Variants in TBL1XR1 observed in about 807,000 individuals in gnomAD.
TBL1XR1 encodes the protein TBL1X/Y related 1.
In TBL1XR1, 5 loss-of-function variants were observed where a neutral mutation model predicts 66.9. The observed-to-expected ratio is 0.07, with a 90% confidence interval of 0.04 to 0.16. TBL1XR1 has a LOEUF of 0.16. Ranked by LOEUF, TBL1XR1 falls within the 10% of genes least tolerant of loss-of-function variation. The pLI is 1.00. For synonymous variants in TBL1XR1, 210 were observed against 206.0 expected (o/e 1.02, Z -0.17); for missense variants, 238 against 623.2 (o/e 0.38, Z 6.58).
At chr3:177,051,869 C>T (rs1255029501) in intron 4 of TBL1XR1, 143 bp from the exon 5 acceptor site, 6 of 1,056,888 alleles carry the variant, frequency 5.7e-6, no homozygotes, top group Non-Finnish European at 6.6e-6. Context: ...ATAAGAAGTC[C>T]GGAGGGAATA....
rs554825683 is a variant in TBL1XR1 at position 177,172,398 on chromosome 3, GA to G, written c.-122+24722del. Among the ~76,000 whole-genome samples, 2 of 150,970 alleles carry G rather than the reference GA, an allele frequency of 1.3e-5. 1 individual carries two copies. Among genetic ancestry groups the G allele is most frequent in the South Asian group, 4.2e-4 (2 of 4,778 alleles). ...AGAAAAGGAACAAATCTCCTGTAAA[GA>G]AAAAAAACCCAATTAATGCATGTAA... On this transcript the variant is annotated intron_variant, in intron 1 of 15. Transcript: ENST00000457928.
intron 1 of TBL1XR1, among the ~76,000 whole-genome samples, chr3:177,178,633 G>C (rs1275022128): frequency 6.6e-6 from 1 of 152,152 alleles, no homozygotes; most frequent in Admixed American, 6.5e-5. Context: ...GATCACCTGA[G>C]GTCAGGAGTT....
rs754474038 is a variant in TBL1XR1, at chr3:177,047,563, A to G, written c.703-14T>C. On this transcript the variant is annotated splice_polypyrimidine_tract_variant and intron_variant, in intron 7 of 15. Coordinates refer to ENST00000457928, the MANE Select transcript of TBL1XR1 (RefSeq NM_024665.7). ...TGTACCTTCACTCTGCCAGAGAAAA[A>G]CATTTCTTTAATTATATAATCTAGA... is the stretch of plus-strand genomic sequence containing the variant. 5.0e-6 allele frequency: 8 copies of G among 1,609,730 alleles called. No homozygotes were observed. Among genetic ancestry groups the G allele is most frequent in the Non-Finnish European group, 5.9e-6 (7 of 1,177,292 alleles).
At chr3:177,128,672 C>T (rs529255886) in intron 1 of TBL1XR1, among the ~76,000 whole-genome samples, 2 of 152,320 alleles carry the variant, frequency 1.3e-5, no homozygotes, top group Admixed American at 1.3e-4. Context: ...CCGTGCCCAG[C>T]CTGAGCCACC....
intron 1 of TBL1XR1, among the ~76,000 whole-genome samples, chr3:177,177,141 T>C (rs563250601): frequency 6.6e-6 from 1 of 152,310 alleles, no homozygotes; most frequent in East Asian, 1.9e-4. Context: ...AATACCCTTT[T>C]TAACTTAAGC....
chr3:177,078,519 A>T (rs1258871810), intron 2 of TBL1XR1: 1 of 150,970 alleles, frequency 6.6e-6, no homozygotes, highest in Non-Finnish European at 1.5e-5. Context: ...CAGGAGTTTG[A>T]GGCTGTAGTG....
At chr3:177,183,139 TGTCA>T (rs1230394344) in intron 1 of TBL1XR1, among the ~76,000 whole-genome samples, 2 of 152,222 alleles carry the variant, frequency 1.3e-5, no homozygotes, top group Non-Finnish European at 2.9e-5. Context: ...ATCCATGCTC[TGTCA>T]TTCAGAACGT....
intron 7 of TBL1XR1, among the ~76,000 whole-genome samples, chr3:177,048,253 C>G (rs1308109668): frequency 8.5e-5 from 13 of 152,124 alleles, no homozygotes; most frequent in Admixed American, 7.9e-4. Context: ...TGCACCTTGC[C>G]TCGATGAATT....
intron 3 of TBL1XR1, among the ~76,000 whole-genome samples, chr3:177,061,949 T>C (rs1260042401): frequency 6.6e-6 from 1 of 152,186 alleles, no homozygotes; most frequent in East Asian, 1.9e-4. Context: ...TGCCCAGATC[T>C]AAAGCTACTA....
intron 1 of TBL1XR1, among the ~76,000 whole-genome samples, chr3:177,172,024 G>GCTCC (rs1248695984): frequency 6.6e-6 from 1 of 152,074 alleles, no homozygotes; most frequent in Non-Finnish European, 1.5e-5. Context: ...CCAGCACTTT[G>GCTCC]GGAGGCCAAG....
At chr3:177,123,444 G>GA (rs1158884078) in intron 1 of TBL1XR1, among the ~76,000 whole-genome samples, 1 of 151,936 alleles carries the variant, frequency 6.6e-6, no homozygotes, top group African/African-American at 2.4e-5. Flanking sequence ...CTTTAACAGA[G>GA]AAAACCCCTA....
intron 1 of TBL1XR1, among the ~76,000 whole-genome samples, chr3:177,159,415 C>A (rs565176077): frequency 6.6e-6 from 1 of 152,078 alleles, no homozygotes; most frequent in Non-Finnish European, 1.5e-5. Context: ...GTTGTGAGAA[C>A]TGTATGATTT....
At chr3:177,164,348 C>G (rs1732572096) in intron 1 of TBL1XR1, among the ~76,000 whole-genome samples, 1 of 148,816 alleles carries the variant, frequency 6.7e-6, no homozygotes. Context: ...TCCCTATTTT[C>G]AATTTTTTTT....
chr3:177,100,888 C>T lies in TBL1XR1; in HGVS notation c.-121-2347G>A, dbSNP rs141487429. Among the ~76,000 whole-genome samples, 468 of 145,488 alleles carry T rather than the reference C, an allele frequency of 3.2e-3. 4 individuals are homozygous for T. Among genetic ancestry groups the T allele is most frequent in the Middle Eastern group, 0.012 (3 of 250 alleles). On this transcript the variant is annotated intron_variant, in intron 1 of 15. Coordinates refer to ENST00000457928, the MANE Select transcript of TBL1XR1 (RefSeq NM_024665.7). ...TTTTTTTTTCTTTGAGACGGAGTCT[C>T]GCTGTTGCCCAGGCTGGAGTGCAAT...
At chr3:177,115,431 T>C (rs1027102225) in intron 1 of TBL1XR1, among the ~76,000 whole-genome samples, 7 of 152,140 alleles carry the variant, frequency 4.6e-5, no homozygotes, top group South Asian at 2.1e-4. Context: ...ACAAAAACAC[T>C]AGTCATTATC....
chr3:177,128,830 T>C lies in TBL1XR1; in HGVS notation c.-121-30289A>G, dbSNP rs532406627. Among the ~76,000 whole-genome samples, 33 of 152,368 alleles carry C rather than the reference T, an allele frequency of 2.2e-4. No homozygotes were observed. The South Asian group carries it at 6.4e-3, about 30-fold the overall frequency. On this transcript the variant is annotated intron_variant, in intron 1 of 15. Coordinates refer to ENST00000457928, the MANE Select transcript of TBL1XR1 (RefSeq NM_024665.7). ...AAATATCTCTGATAGAGTTCCTTTA[T>C]TGTGAAGTTTTTGGCCAGTGACACT... is the stretch of plus-strand genomic sequence containing the variant.
intron 1 of TBL1XR1, among the ~76,000 whole-genome samples, chr3:177,168,148 T>C (rs575579668): frequency 2.0e-5 from 3 of 152,354 alleles, no homozygotes; most frequent in African/African-American, 7.2e-5. Flanking sequence ...ACTAGGATTC[T>C]GTCACAGGTA....
At chr3:177,034,555 T>C (rs961862924) in intron 12 of TBL1XR1, among the ~76,000 whole-genome samples, 4 of 152,126 alleles carry the variant, frequency 2.6e-5, no homozygotes. Context: ...TATTCACTAT[T>C]ACAAAGTTTG....
intron 1 of TBL1XR1, chr3:177,120,916 T>C (rs548931437): frequency 3.9e-5 from 6 of 152,300 alleles, no homozygotes; most frequent in African/African-American, 1.4e-4. Flanking sequence ...ATTTTATACA[T>C]GGCCCTAAAA....
Sources: gnomAD v4.1 joint callset for allele counts (sites outside exome capture counted in the v4.1 genomes callset) on GRCh38, gnomAD v4.1.1 for gene constraint, MANE v1.5 for transcripts, NCBI Gene and HGNC (gene_info 2026-07-23, HGNC 2026-07-21) for gene names.